HDAC4: variants seen among roughly 807,000 people sequenced by gnomAD.
The protein encoded by HDAC4 is histone deacetylase 4.
HDAC4 carries 16 observed loss-of-function variants against 135.1 expected under a neutral mutation model. The ratio of observed to expected loss-of-function variants is 0.12; its 90% confidence interval spans 0.08 to 0.18. HDAC4 has a LOEUF of 0.18. Ranked by LOEUF, HDAC4 falls within the 10% of genes least tolerant of loss-of-function variation. The pLI, the probability that HDAC4 is intolerant of heterozygous loss-of-function variation, is 1.00. For missense variants in HDAC4, 1,143 were observed against 1,511.8 expected, an observed-to-expected ratio of 0.76 and a Z score of 4.05; for synonymous variants, 685 against 653.4, an observed-to-expected ratio of 1.05 and a Z score of -0.74.
At chr2:239,363,178 C>T (rs1403600283) in intron 1 of HDAC4, among the ~76,000 whole-genome samples, 3 of 152,296 alleles carry the variant, frequency 2.0e-5, no homozygotes, top group East Asian at 1.9e-4. Context: ...GAGGAATATA[C>T]CATGTGCATG....
At chr2:239,101,298 C>T (rs995117942) in intron 16 of HDAC4, among the ~76,000 whole-genome samples, 1 of 152,226 alleles carries the variant, frequency 6.6e-6, no homozygotes, top group African/African-American at 2.4e-5. Flanking sequence ...CTACTGGCTC[C>T]ATGGTCTGTG....
intron 12 of HDAC4, among the ~76,000 whole-genome samples, chr2:239,123,970 C>T (rs1474656364): frequency 2.6e-5 from 4 of 151,866 alleles, no homozygotes; most frequent in Admixed American, 6.6e-5. Flanking sequence ...AGGTGGACAA[C>T]CCAGGACCGG....
Position 239,314,697 on chromosome 2 carries a change from C to A in HDAC4, c.22+37981G>T, listed in dbSNP as rs151141200. Among the ~76,000 whole-genome samples the A allele has an allele frequency of 1.5e-3, 225 of 152,014 alleles. 1 individual carries two copies. Among genetic ancestry groups the A allele is most frequent in the Non-Finnish European group, 2.7e-3 (185 of 67,966 alleles). On this transcript the variant is annotated intron_variant, in intron 2 of 26. Transcript: ENST00000543185. The stretch of plus-strand genomic sequence containing the variant: ...AGAATTAGTGAACAGTAAAATAGCA[C>A]GGAAGAAATAAACCAGGATGCAACA...
intron 4 of HDAC4, among the ~76,000 whole-genome samples, chr2:239,179,903 T>A (rs1162659257): frequency 6.6e-6 from 1 of 152,206 alleles, no homozygotes; most frequent in Non-Finnish European, 1.5e-5. Context: ...AACCTGCACA[T>A]CAACGTGCTT....
intron 11 of HDAC4, 35 bp downstream of exon 11, chr2:239,134,210 A>G (rs1213775995): frequency 1.3e-6 from 2 of 1,579,040 alleles, no homozygotes; most frequent in South Asian, 2.2e-5. Flanking sequence ...GGGCAGCCTC[A>G]GAGCCTGGCT....
intron 2 of HDAC4, among the ~76,000 whole-genome samples, chr2:239,312,797 G>A (rs11899820): frequency 0.24 from 35,925 of 152,184 alleles, 4,595 homozygotes; most frequent in African/African-American, 0.31. Context: ...CCCAGCTGCC[G>A]TGGCGCCGGC....
At chr2:239,247,716 C>T (rs1467233358) in intron 2 of HDAC4, among the ~76,000 whole-genome samples, 3 of 152,274 alleles carry the variant, frequency 2.0e-5, no homozygotes, top group East Asian at 1.9e-4. Flanking sequence ...AAGTAGCTCA[C>T]GAAAAATGAG....
intron 1 of HDAC4, among the ~76,000 whole-genome samples, chr2:239,355,643 G>A (rs762071228): frequency 6.6e-6 from 1 of 151,962 alleles, no homozygotes; most frequent in Non-Finnish European, 1.5e-5. Flanking sequence ...TGCACTTCAG[G>A]GTATTTCCCT....
At chr2:239,273,999 C>G (rs779440581) in intron 2 of HDAC4, among the ~76,000 whole-genome samples, 1 of 152,196 alleles carries the variant, frequency 6.6e-6, no homozygotes, top group African/African-American at 2.4e-5. Context: ...GTCGCATGTT[C>G]GGAAGACACC....
intron 2 of HDAC4, among the ~76,000 whole-genome samples, chr2:239,312,113 C>T (rs1219460462): frequency 6.6e-6 from 1 of 152,224 alleles, no homozygotes; most frequent in Non-Finnish European, 1.5e-5. Flanking sequence ...ACATCACTGT[C>T]ACCATCACAA....
chr2:239,185,339 T>A (rs2044475355), intron 4 of HDAC4, among the ~76,000 whole-genome samples: 1 of 149,478 alleles, frequency 6.7e-6, no homozygotes, highest in East Asian at 2.0e-4. Context: ...GTCTGCCCTA[T>A]GAAGGGTGCC....
At chr2:239,296,248 C>G (rs889822099) in intron 2 of HDAC4, among the ~76,000 whole-genome samples, 1 of 152,240 alleles carries the variant, frequency 6.6e-6, no homozygotes, top group Non-Finnish European at 1.5e-5. Flanking sequence ...CACACATGCA[C>G]GCACACAGAG....
rs530993884 is a variant in HDAC4, at chr2:239,299,957, C to T, written c.22+52721G>A. The stretch of plus-strand genomic sequence containing the variant: ...AAGGAAGAGGGGTCCCATCAGAGGA[C>T]TCCCTGCAGTGCTCCATGAATTTCT... On this transcript the variant is annotated intron_variant, in intron 2 of 26. Coordinates refer to ENST00000543185, the MANE Select transcript of HDAC4 (RefSeq NM_001378414.1). The surrounding 1 kb of genome is among the most constrained non-coding windows in gnomAD (Gnocchi z 4.0). Among the ~76,000 whole-genome samples the T allele has an allele frequency of 6.6e-6, 1 of 152,340 alleles. No homozygotes were observed. Among genetic ancestry groups the T allele is most frequent in the Non-Finnish European group, 1.5e-5 (1 of 68,036 alleles).
intron 2 of HDAC4, among the ~76,000 whole-genome samples, chr2:239,275,262 C>T (rs540488549): frequency 3.9e-5 from 6 of 152,376 alleles, no homozygotes; most frequent in East Asian, 3.9e-4. Flanking sequence ...AGCCGCCCCA[C>T]GCTGGAGCCA....
At chr2:239,359,018 A>G (rs1693694521) in intron 1 of HDAC4, among the ~76,000 whole-genome samples, 1 of 152,188 alleles carries the variant, frequency 6.6e-6, no homozygotes, top group Non-Finnish European at 1.5e-5. Context: ...GGTTGGTTTT[A>G]GTCATTTGTT....
chr2:239,099,742 G>C (rs2037442889), intron 16 of HDAC4, among the ~76,000 whole-genome samples: 1 of 152,168 alleles, frequency 6.6e-6, no homozygotes, highest in South Asian at 2.1e-4. Flanking sequence ...CAAGGAGCGC[G>C]TGCCCCCTTC....
At chr2:239,080,391 T>G (rs1036777665) in intron 22 of HDAC4, among the ~76,000 whole-genome samples, 1 of 152,236 alleles carries the variant, frequency 6.6e-6, no homozygotes, top group African/African-American at 2.4e-5. Flanking sequence ...CACGTGGCTC[T>G]GGGAACCGAT....
intron 2 of HDAC4, among the ~76,000 whole-genome samples, chr2:239,339,757 A>G (rs1408378200): frequency 6.6e-6 from 1 of 152,122 alleles, no homozygotes; most frequent in East Asian, 1.9e-4. Flanking sequence ...AGTCCACCAA[A>G]TCCACTCATA....
chr2:239,288,431 A>G (rs2051260233), intron 2 of HDAC4, among the ~76,000 whole-genome samples: 1 of 152,216 alleles, frequency 6.6e-6, no homozygotes, highest in Non-Finnish European at 1.5e-5. Context: ...TCTTACTCAA[A>G]ACTGAACTGG....
Sources: gnomAD v4.1 joint callset for allele counts (sites outside exome capture counted in the v4.1 genomes callset) on GRCh38, gnomAD v4.1.1 for gene constraint, Gnocchi (gnomAD v3.1) non-coding constraint, MANE v1.5 for transcripts, NCBI Gene and HGNC (gene_info 2026-07-23, HGNC 2026-07-21) for gene names.